Variants in OSBPL9 observed in about 807,000 individuals in gnomAD.
OSBPL9 encodes oxysterol binding protein like 9.
In OSBPL9, 40 loss-of-function variants were observed where a neutral mutation model predicts 106.6. That is an observed-to-expected ratio of 0.38 (90% confidence interval 0.29 to 0.49). The LOEUF (loss-of-function observed/expected upper bound fraction) is 0.49. Among genes scored for constraint, OSBPL9 ranks in the 20% least tolerant of loss-of-function variants. The pLI is 0.97. For synonymous variants in OSBPL9, 269 were observed against 295.4 expected (o/e 0.91, Z 0.92); for missense variants, 609 against 887.2 (o/e 0.69, Z 3.98).
intron 3 of OSBPL9, among the ~76,000 whole-genome samples, chr1:51,690,377 G>T (rs1289028290): frequency 6.6e-6 from 1 of 152,174 alleles, no homozygotes; most frequent in Admixed American, 6.5e-5. Context: ...TTGTTCCAGA[G>T]ACTCACAGCA....
At chr1:51,545,456 C>T in the OSBPL9 span, among the ~76,000 whole-genome samples, 3 of 151,976 alleles carry the variant, frequency 2.0e-5, no homozygotes, top group African/African-American at 7.3e-5. Context: ...ACCTGTAGTC[C>T]CAGCTACAGT....
intron 3 of OSBPL9, among the ~76,000 whole-genome samples, chr1:51,676,430 A>G (rs1278238289): frequency 6.7e-6 from 1 of 149,658 alleles, no homozygotes. Flanking sequence ...ATGCCTTCTC[A>G]AAAAAAAACG....
intron 1 of OSBPL9, among the ~76,000 whole-genome samples, chr1:51,631,669 A>T (rs1448122163): frequency 6.6e-6 from 1 of 152,192 alleles, no homozygotes; most frequent in Non-Finnish European, 1.5e-5. Flanking sequence ...AGGCTCCTCT[A>T]ATCTCCTAGC....
chr1:51,715,505 G>T (rs1660874693), intron 4 of OSBPL9, among the ~76,000 whole-genome samples: 3 of 152,018 alleles, frequency 2.0e-5, no homozygotes, highest in Non-Finnish European at 1.5e-5. Flanking sequence ...GTTAGATGTG[G>T]TTTGTCTCGG....
At chr1:51,772,987 G>A (rs1252768016) in intron 14 of OSBPL9, among the ~76,000 whole-genome samples, 1 of 152,168 alleles carries the variant, frequency 6.6e-6, no homozygotes, top group Non-Finnish European at 1.5e-5. Flanking sequence ...CAGAGGATCT[G>A]TGTTTTCGTC....
At chr1:51,530,187 AAAAAAC>A in the OSBPL9 span, among the ~76,000 whole-genome samples, 3,876 of 101,248 alleles carry the variant, frequency 0.038, 867 homozygotes, top group Non-Finnish European at 0.051. Context: ...AAAAAAAAAA[AAAAAAC>A]AAAAAAAAAA....
At chr1:51,763,632 A>G (rs1033204422) in intron 11 of OSBPL9, among the ~76,000 whole-genome samples, 4 of 152,162 alleles carry the variant, frequency 2.6e-5, no homozygotes, top group African/African-American at 7.2e-5. Flanking sequence ...TACTGATGCT[A>G]TTACTTTGAT....
At chr1:51,584,732 A>T (rs6704130) in intron 1 of OSBPL9, among the ~76,000 whole-genome samples, 28,327 of 152,108 alleles carry the variant, frequency 0.19, 3,502 homozygotes, top group African/African-American at 0.35. Flanking sequence ...AAAATAAAAT[A>T]AAATTAAATT....
At chr1:51,606,094 G>A (rs1258847124) in intron 2 of OSBPL9, among the ~76,000 whole-genome samples, 2 of 152,196 alleles carry the variant, frequency 1.3e-5, no homozygotes, top group African/African-American at 4.8e-5. Flanking sequence ...TAGGTTTAAG[G>A]TAGCAATAGT....
Position 51,667,343 on chromosome 1 carries a change from G to C in OSBPL9, c.163-2091G>C, listed in dbSNP as rs779213071. 1.9e-4 allele frequency among the ~76,000 whole-genome samples: 29 copies of C among 152,114 alleles called. 1 individual carries two copies. Among genetic ancestry groups the C allele is most frequent in the Non-Finnish European group, 2.6e-4 (18 of 68,014 alleles). On this transcript the variant is annotated intron_variant, in intron 2 of 23. Coordinates refer to ENST00000428468, the MANE Select transcript of OSBPL9 (RefSeq NM_024586.6). The stretch of plus-strand genomic sequence containing the variant: ...TTTCATCACCTTGTAAAGAAATCTA[G>C]TATACCCATTAGCAGCCATTCCCCA...
intron 1 of OSBPL9, among the ~76,000 whole-genome samples, chr1:51,594,384 G>A (rs1420080062): frequency 1.3e-5 from 2 of 151,844 alleles, no homozygotes; most frequent in East Asian, 1.9e-4. Context: ...CCTAGGTGAC[G>A]GAGTGAGACT....
At chr1:51,720,602 C>T (rs184363957) in intron 4 of OSBPL9, among the ~76,000 whole-genome samples, 67 of 152,092 alleles carry the variant, frequency 4.4e-4, no homozygotes, top group Admixed American at 2.5e-3. Context: ...TGATTACAGG[C>T]GTGAGCCACC....
At chr1:51,556,114 A>G in the OSBPL9 span, among the ~76,000 whole-genome samples, 1 of 152,066 alleles carries the variant, frequency 6.6e-6, no homozygotes, top group East Asian at 1.9e-4. Flanking sequence ...CCTAGTCCCT[A>G]TAAGTAAAGT....
In OSBPL9 at chr1:51,656,164, C is replaced by G. The variant is rs190136358; in HGVS notation, c.162+4123C>G. Among the ~76,000 whole-genome samples the G allele has an allele frequency of 1.1e-3, 170 of 152,302 alleles. 1 individual carries two copies. Among genetic ancestry groups the G allele is most frequent in the African/African-American group, 4.0e-3 (166 of 41,550 alleles). ...GGGCTGAATTTTACTCAGCTCTTCC[C>G]TTACTGACTCTGACATTGGGCACAT... is the stretch of plus-strand genomic sequence containing the variant. On this transcript the variant is annotated intron_variant, in intron 2 of 23. Coordinates refer to ENST00000428468, the MANE Select transcript of OSBPL9 (RefSeq NM_024586.6).
upstream of OSBPL9, among the ~76,000 whole-genome samples, chr1:51,574,578 C>G (rs562050323): frequency 6.6e-6 from 1 of 152,162 alleles, no homozygotes; most frequent in Admixed American, 6.5e-5. Context: ...GAGAATGCAC[C>G]ATTGCACTCC....
chr1:51,669,610 T>G lies in OSBPL9; in HGVS notation c.241+98T>G, dbSNP rs766231354. ...TGGATGACTTGAATGGTTTTGCAAC[T>G]GATCCTGCATGAACGAGTGCATAGG... On this transcript the variant is annotated intron_variant, in intron 3 of 23. Coordinates refer to ENST00000428468, the MANE Select transcript of OSBPL9 (RefSeq NM_024586.6). 16 of 1,116,542 alleles carry G rather than the reference T, an allele frequency of 1.4e-5. No individual in the cohort carries two copies. In the African/African-American group the frequency reaches 2.5e-4, roughly 17 times the overall value. 69.2% of individuals were successfully genotyped at this position (1,116,542 alleles called of 1,614,324 possible). A position where few individuals can be genotyped will look rare whatever the true frequency, so the allele number is the denominator to read the frequency against.
At chr1:51,673,592 T>C (rs1650445846) in intron 3 of OSBPL9, among the ~76,000 whole-genome samples, 1 of 152,220 alleles carries the variant, frequency 6.6e-6, no homozygotes, top group East Asian at 1.9e-4. Context: ...TGTCTTTGGC[T>C]TGGAGCATGG....
At chr1:51,612,312 C>T (rs1370471442), upstream of OSBPL9, among the ~76,000 whole-genome samples, 1 of 152,186 alleles carries the variant, frequency 6.6e-6, no homozygotes, top group Non-Finnish European at 1.5e-5. Context: ...TTTCAAAAAT[C>T]ATGTCTTTAA....
chr1:51,762,047 A>G, intron 11 of OSBPL9, 76 bp downstream of exon 11: 1 of 1,045,458 alleles, frequency 9.6e-7, no homozygotes, highest in African/African-American at 1.6e-5. Flanking sequence ...TCTGATGAGG[A>G]GGGGGAAAGT....
Sources: allele counts gnomAD v4.1 joint callset (sites outside exome capture counted in the v4.1 genomes callset), GRCh38; gene constraint gnomAD v4.1.1; transcripts MANE v1.5; gene names NCBI Gene and HGNC (gene_info 2026-07-23, HGNC 2026-07-21).